The following CDHR2 variants were observed in gnomAD, a reference collection of about 807,000 sequenced individuals.
The protein encoded by CDHR2 is cadherin related family member 2.
In CDHR2, 104 loss-of-function variants were observed where a neutral mutation model predicts 138.6. That is an observed-to-expected ratio of 0.75 (90% CI 0.64 to 0.88). The LOEUF (loss-of-function observed/expected upper bound fraction) is 0.88, where lower values mean the gene tolerates loss of function less well. Ranked by LOEUF, CDHR2 falls within the 40% of genes least tolerant of loss-of-function variation. The pLI is 0.00. For synonymous variants in CDHR2, 755 were observed against 742.8 expected (o/e 1.02, Z -0.27); for missense variants, 1,624 against 1,727.6 (o/e 0.94, Z 1.06).
chr5:176,546,161 C>G (rs1478746368), upstream of CDHR2, among the ~76,000 whole-genome samples: 1 of 152,176 alleles, frequency 6.6e-6, no homozygotes, highest in African/African-American at 2.4e-5. Context: ...CCAGCGATGA[C>G]TAGTGCCTAC....
rs752563837 is a variant in CDHR2 at position 176,565,736 on chromosome 5, G to C, written c.117G>C (p.Leu39=). ...CGTCAGTGATCCTGCCTGAGGACCT[G>C]CCTGTGGGTGAGTCCCGGTCCCTGT... The part of the protein sequence containing the change: ...NMTSVILPED[L]PVGAQAFWLV... The change falls in exon 3 of 32, where the codon CTG becomes CTC. Residue 39 remains leucine, a synonymous_variant. Transcript: ENST00000261944. 4 of 1,613,644 alleles carry C rather than the reference G, an allele frequency of 2.5e-6. No homozygotes were observed. The South Asian group carries it at 4.4e-5, about 18-fold the overall frequency.
intron 13 of CDHR2, 31 bp from the exon 14 acceptor site, chr5:176,577,606 C>T (rs746386856): frequency 6.2e-7 from 1 of 1,613,934 alleles, no homozygotes; most frequent in Non-Finnish European, 8.5e-7. Context: ...CACTTGGGCC[C>T]CACAGCTGCT....
At chr5:176,574,544 C>T (rs553354057) in intron 7 of CDHR2, among the ~76,000 whole-genome samples, 3 of 152,288 alleles carry the variant, frequency 2.0e-5, no homozygotes, top group South Asian at 2.1e-4. Context: ...CCTTGGTATC[C>T]GTGGGGACTT....
At chr5:176,595,202 A>C (rs1758994448) in intron 31 of CDHR2, among the ~76,000 whole-genome samples, 1 of 152,152 alleles carries the variant, frequency 6.6e-6, no homozygotes, top group African/African-American at 2.4e-5. Context: ...AGGGGGCAGG[A>C]ACTGCGCTGG....
chr5:176,593,920 C>T (rs1489334732), intron 31 of CDHR2, among the ~76,000 whole-genome samples: 2 of 152,168 alleles, frequency 1.3e-5, no homozygotes, highest in Non-Finnish European at 2.9e-5. Context: ...AGCCAGGCAG[C>T]GCTGGAGGCC....
At chr5:176,581,704 C>T (rs369267103) in intron 17 of CDHR2, 122 bp downstream of exon 17, 21 of 1,300,680 alleles carry the variant, frequency 1.6e-5, no homozygotes, top group African/African-American at 2.9e-5. Flanking sequence ...CCCGCTCACT[C>T]GTATGGCCCC....
At chr5:176,564,688 AC>A (rs1252128262) in intron 1 of CDHR2, among the ~76,000 whole-genome samples, 1 of 151,954 alleles carries the variant, frequency 6.6e-6, no homozygotes, top group Admixed American at 6.6e-5. Flanking sequence ...CCCTCCCTAG[AC>A]CCACCTGACT....
At chr5:176,578,003 C>A in intron 14 of CDHR2, 31 bp from the exon 15 acceptor site, 1 of 1,598,398 alleles carries the variant, frequency 6.3e-7, no homozygotes, top group South Asian at 1.1e-5. Flanking sequence ...ATCGCCTCCA[C>A]ACAGCACCCT....
intron 1 of CDHR2, among the ~76,000 whole-genome samples, chr5:176,563,500 A>C (rs1239736330): frequency 6.6e-6 from 1 of 151,908 alleles, no homozygotes; most frequent in African/African-American, 2.4e-5. Flanking sequence ...GAAAAAAAAA[A>C]CCCTCATGGC....
chr5:176,550,846 C>T (rs369964014), intron 1 of CDHR2, among the ~76,000 whole-genome samples: 8 of 152,094 alleles, frequency 5.3e-5, no homozygotes, highest in South Asian at 2.1e-4. Context: ...ATCTTGGCAC[C>T]GTGGACTGCT....
At chr5:176,554,295 T>C (rs551924358) in intron 1 of CDHR2, among the ~76,000 whole-genome samples, 15 of 152,220 alleles carry the variant, frequency 9.9e-5, no homozygotes, top group South Asian at 2.1e-4. Context: ...GGAGCGTGGA[T>C]GGTCACCAGG....
chr5:176,572,318 G>A (rs1758255202), intron 6 of CDHR2, among the ~76,000 whole-genome samples: 1 of 151,796 alleles, frequency 6.6e-6, no homozygotes, highest in Admixed American at 6.6e-5. Context: ...AACCTGGGAG[G>A]CAGAGGTTGC....
intron 5 of CDHR2, among the ~76,000 whole-genome samples, chr5:176,569,547 G>T (rs1348815576): frequency 6.6e-6 from 1 of 152,148 alleles, no homozygotes; most frequent in Non-Finnish European, 1.5e-5. Context: ...TTCCCAGAGT[G>T]CTGGGATTAC....
chr5:176,581,216 C>T, intron 16 of CDHR2, 127 bp from the exon 17 acceptor site: 4 of 1,266,362 alleles, frequency 3.2e-6, no homozygotes, highest in Non-Finnish European at 4.3e-6. Flanking sequence ...GGGAGATGGG[C>T]CCAGGGGCTC....
At chr5:176,550,060 T>G (rs6876517) in intron 1 of CDHR2, among the ~76,000 whole-genome samples, 146,277 of 152,244 alleles carry the variant, frequency 0.96, 70,552 homozygotes, top group East Asian at 1. Context: ...GAGGAGGTGG[T>G]GACCCAGCTG....
chr5:176,584,322 G>T (rs1169707965), intron 18 of CDHR2, 63 bp downstream of exon 18: 1 of 1,613,206 alleles, frequency 6.2e-7, no homozygotes, highest in South Asian at 1.1e-5. Context: ...TTGTCAGGGT[G>T]GACCTCGAGT....
intron 2 of CDHR2, 91 bp from the exon 3 acceptor site, chr5:176,565,581 C>A: frequency 7.7e-7 from 1 of 1,305,090 alleles, no homozygotes; most frequent in Non-Finnish European, 1.1e-6. Flanking sequence ...GCCTGGGTGG[C>A]CATAAGGACT....
intron 5 of CDHR2, among the ~76,000 whole-genome samples, chr5:176,570,026 G>A (rs1758187471): frequency 6.6e-6 from 1 of 151,768 alleles, no homozygotes; most frequent in Admixed American, 6.6e-5. Context: ...CACTCCCACT[G>A]AAGTGTTGAC....
At chr5:176,551,229 G>A (rs1213886490) in intron 1 of CDHR2, among the ~76,000 whole-genome samples, 2 of 152,148 alleles carry the variant, frequency 1.3e-5, no homozygotes, top group Non-Finnish European at 2.9e-5. Context: ...GTGCAGTGGT[G>A]CGATCTCAGT....
Sources: allele counts gnomAD v4.1 joint callset (sites outside exome capture counted in the v4.1 genomes callset), GRCh38; gene constraint gnomAD v4.1.1; transcripts MANE v1.5; gene names NCBI Gene and HGNC (gene_info 2026-07-23, HGNC 2026-07-21).